Variants in CDH18 observed in about 807,000 individuals in gnomAD.
The protein encoded by CDH18 is cadherin 18.
A neutral mutation model predicts 67.9 loss-of-function variants in CDH18; 31 were observed. The ratio of observed to expected loss-of-function variants is 0.46; its 90% confidence interval spans 0.34 to 0.62. The LOEUF is 0.62. Ranked by LOEUF, CDH18 falls within the 20% of genes least tolerant of loss-of-function variation. The probability of loss-of-function intolerance (pLI) is 0.01; values close to 1 mark genes in which losing one functional copy is unlikely to be tolerated. For missense variants in CDH18, 890 were observed against 975.5 expected (o/e 0.91, Z 1.17); for synonymous variants, 362 against 347.2 (o/e 1.04, Z -0.48).
chr5:20,296,078 G>A (rs1029133495), intron 1 of CDH18, among the ~76,000 whole-genome samples: 13 of 151,262 alleles, frequency 8.6e-5, no homozygotes, highest in Admixed American at 7.2e-4. Flanking sequence ...GTTTCGCCAC[G>A]TTGGCCAGCC....
chr5:19,905,696 G>A (rs1790462012), intron 2 of CDH18, among the ~76,000 whole-genome samples: 1 of 151,856 alleles, frequency 6.6e-6, no homozygotes, highest in Admixed American at 6.6e-5. Context: ...GGAAGTGTCA[G>A]TTGGGGGTGA....
At chr5:19,568,170 A>C (rs2149918023) in intron 8 of CDH18, among the ~76,000 whole-genome samples, 1 of 152,252 alleles carries the variant, frequency 6.6e-6, no homozygotes, top group South Asian at 2.1e-4. Context: ...CAGAATGTTT[A>C]GCACCATCCA....
chr5:19,775,999 G>A (rs192410787), intron 3 of CDH18, among the ~76,000 whole-genome samples: 1 of 152,136 alleles, frequency 6.6e-6, no homozygotes, highest in East Asian at 1.9e-4. Flanking sequence ...AAATGCAGAT[G>A]TACAATAAAA....
chr5:20,159,824 A>C (rs1461666949), intron 2 of CDH18, among the ~76,000 whole-genome samples: 1 of 152,078 alleles, frequency 6.6e-6, no homozygotes, highest in Non-Finnish European at 1.5e-5. Context: ...ACTTCCTAAA[A>C]CTTGGGAATG....
intron 2 of CDH18, among the ~76,000 whole-genome samples, chr5:20,176,192 C>G (rs1167465998): frequency 6.6e-6 from 1 of 152,112 alleles, no homozygotes; most frequent in African/African-American, 2.4e-5. Flanking sequence ...TCAAGTCAAG[C>G]CTCTCTGGGA....
chr5:19,747,352 T>A, intron 3 of CDH18, 116 bp from the exon 4 acceptor site: 2 of 777,936 alleles, frequency 2.6e-6, no homozygotes, highest in South Asian at 1.9e-5. Context: ...CCCTTTACAG[T>A]GCCCTGTGTG....
intron 11 of CDH18, among the ~76,000 whole-genome samples, chr5:19,491,366 A>G (rs1741441511): frequency 6.6e-6 from 1 of 152,194 alleles, no homozygotes; most frequent in African/African-American, 2.4e-5. Context: ...TAAAAACAAA[A>G]TTTTAAATGG....
intron 1 of CDH18, among the ~76,000 whole-genome samples, chr5:20,320,042 A>G (rs1022095151): frequency 6.6e-6 from 1 of 152,118 alleles, no homozygotes; most frequent in African/African-American, 2.4e-5. Flanking sequence ...TAAGGACACA[A>G]TGCCACTCTG....
chr5:19,995,826 A>G (rs2150393979), intron 2 of CDH18, among the ~76,000 whole-genome samples: 1 of 152,088 alleles, frequency 6.6e-6, no homozygotes, highest in South Asian at 2.1e-4. Flanking sequence ...TAAAAGAGAA[A>G]CTACACCTTC....
chr5:20,476,693 T>C (rs1752467025), intron 1 of CDH18, among the ~76,000 whole-genome samples: 1 of 152,192 alleles, frequency 6.6e-6, no homozygotes. Flanking sequence ...AAAATAATAA[T>C]GTAAGAAATT....
intron 3 of CDH18, among the ~76,000 whole-genome samples, chr5:19,806,830 TAAC>T (rs1426146329): frequency 6.6e-6 from 1 of 152,216 alleles, no homozygotes; most frequent in African/African-American, 2.4e-5. Flanking sequence ...ACTGATTGTA[TAAC>T]GATACATATA....
At chr5:19,856,603 A>C (rs1784308579) in intron 2 of CDH18, among the ~76,000 whole-genome samples, 1 of 152,170 alleles carries the variant, frequency 6.6e-6, no homozygotes, top group African/African-American at 2.4e-5. Context: ...AAAGTCTTCA[A>C]AGAGGTTATC....
chr5:19,571,866 TA>T (rs759014809), intron 7 of CDH18, 34 bp from the exon 8 acceptor site: 10 of 1,545,954 alleles, frequency 6.5e-6, no homozygotes, highest in South Asian at 3.6e-5. Flanking sequence ...ATGACTTTTA[TA>T]AAAAAAGTCA....
At chr5:19,991,873 C>G (rs1457148480), upstream of CDH18, 1 of 151,538 alleles carries the variant, frequency 6.6e-6, no homozygotes, top group East Asian at 1.9e-4. Context: ...AAAAAATTAC[C>G]CTGGCGTGGT....
chr5:19,958,260 T>C (rs1796452859), intron 2 of CDH18, among the ~76,000 whole-genome samples: 1 of 151,422 alleles, frequency 6.6e-6, no homozygotes, highest in Non-Finnish European at 1.5e-5. Flanking sequence ...CTAAGCCATG[T>C]TGCGATGCCC....
chr5:20,167,789 CAAAGGA>C (rs1736407745), intron 2 of CDH18, among the ~76,000 whole-genome samples: 1 of 152,154 alleles, frequency 6.6e-6, no homozygotes. Flanking sequence ...TAATACGGCC[CAAAGGA>C]CACCTTTATG....
At chr5:19,947,727 C>A (rs1343290368) in intron 2 of CDH18, among the ~76,000 whole-genome samples, 1 of 151,288 alleles carries the variant, frequency 6.6e-6, no homozygotes, top group African/African-American at 2.4e-5. Flanking sequence ...GGCGCCACTG[C>A]ACTCTAGCCT....
At chr5:19,769,396 T>C (rs1773476899) in intron 3 of CDH18, among the ~76,000 whole-genome samples, 1 of 152,116 alleles carries the variant, frequency 6.6e-6, no homozygotes, top group African/African-American at 2.4e-5. Flanking sequence ...TTGGATTATA[T>C]ATTCAACATG....
At chr5:20,206,262 A>C (rs1165339891) in intron 2 of CDH18, among the ~76,000 whole-genome samples, 1 of 151,950 alleles carries the variant, frequency 6.6e-6, no homozygotes, top group Non-Finnish European at 1.5e-5. Flanking sequence ...TCCTGGACAC[A>C]TATAACCTAC....
Sources: gnomAD v4.1 joint callset for allele counts (sites outside exome capture counted in the v4.1 genomes callset) on GRCh38, gnomAD v4.1.1 for gene constraint, MANE v1.5 for transcripts, NCBI Gene and HGNC (gene_info 2026-07-23, HGNC 2026-07-21) for gene names.